Variants in KIAA2012 observed in about 807,000 individuals in gnomAD.
The protein encoded by KIAA2012 is KIAA2012.
Under a neutral mutation model 150.6 loss-of-function variants are expected in KIAA2012, and 125 were observed. The observed-to-expected ratio is 0.83, with a 90% CI of 0.72 to 0.96. KIAA2012 has a LOEUF of 0.96. Among genes scored for constraint, KIAA2012 ranks in the 40% least tolerant of loss-of-function variants. The pLI, the probability that KIAA2012 is intolerant of heterozygous loss-of-function variation, is 0.00. For missense variants in KIAA2012, 1,219 were observed against 1,354.9 expected, an observed-to-expected ratio of 0.90 and a Z score of 1.57; for synonymous variants, 462 against 504.7, an observed-to-expected ratio of 0.92 and a Z score of 1.13.
intron 15 of KIAA2012, among the ~76,000 whole-genome samples, chr2:202,183,545 G>A (rs1315043387): frequency 7.0e-6 from 1 of 141,898 alleles, no homozygotes; most frequent in Non-Finnish European, 1.5e-5. Context: ...GTGCAGTGGT[G>A]CTCATTGGAG....
chr2:202,154,789 C>A lies in KIAA2012; in HGVS notation c.2025C>A (p.Ile675=), dbSNP rs567960263. The change falls in exon 14 of 24, where the codon ATC becomes ATA. Residue 675 remains isoleucine, a synonymous_variant. Transcript: ENST00000498697. ...RKEFYTRKLH[I]DMTPFLKESG... is the part of the protein sequence containing the mutation. ...AATTTTACACGCGCAAGCTGCACAT[C>A]GACATGACGCCGTTCCTGAAGGTGA... 6.5e-7 allele frequency: 1 copy of A among 1,547,882 alleles called. No individual in the cohort carries two copies.
At chr2:202,182,370 C>G (rs1198626444) in intron 15 of KIAA2012, among the ~76,000 whole-genome samples, 2 of 151,980 alleles carry the variant, frequency 1.3e-5, no homozygotes, top group Admixed American at 1.3e-4. Flanking sequence ...CTCAGCCCCC[C>G]AAAAGTGCTG....
intron 12 of KIAA2012, among the ~76,000 whole-genome samples, chr2:202,132,653 G>A (rs1304799103): frequency 1.4e-5 from 2 of 140,444 alleles, no homozygotes; most frequent in African/African-American, 2.6e-5. Context: ...CAGGCTGGGC[G>A]GCAGAGCAAG....
chr2:202,105,175 A>C (rs1365073924), intron 8 of KIAA2012, among the ~76,000 whole-genome samples: 2 of 151,396 alleles, frequency 1.3e-5, no homozygotes, highest in Non-Finnish European at 2.9e-5. Context: ...CAGAAGGAAA[A>C]GGAAAGAAGG....
At chr2:202,109,233 C>A (rs896895281) in intron 9 of KIAA2012, among the ~76,000 whole-genome samples, 8 of 152,170 alleles carry the variant, frequency 5.3e-5, no homozygotes, top group African/African-American at 1.9e-4. Flanking sequence ...GGAGTTTGCA[C>A]CCTCTCCAGT....
intron 22 of KIAA2012, among the ~76,000 whole-genome samples, chr2:202,202,142 G>T (rs1692542266): frequency 6.6e-6 from 1 of 152,160 alleles, no homozygotes. Flanking sequence ...ATGAGCCACT[G>T]CACCTGGCCC....
At chr2:202,203,991 G>A (rs1023547528) in intron 23 of KIAA2012, among the ~76,000 whole-genome samples, 16 of 151,684 alleles carry the variant, frequency 1.1e-4, no homozygotes, top group African/African-American at 3.6e-4. Flanking sequence ...GGATGGTCTC[G>A]ATCTCCTGAC....
At chr2:202,096,032 C>T (rs1239966206) in intron 4 of KIAA2012, among the ~76,000 whole-genome samples, 1 of 152,060 alleles carries the variant, frequency 6.6e-6, no homozygotes, top group Non-Finnish European at 1.5e-5. Context: ...TGCAGTGAGC[C>T]AAGATCATGC....
chr2:202,200,761 C>T (rs1322198477), intron 22 of KIAA2012, among the ~76,000 whole-genome samples: 1 of 130,904 alleles, frequency 7.6e-6, no homozygotes, highest in Non-Finnish European at 1.5e-5. Flanking sequence ...GGCTGGAGTG[C>T]AATGGTGTGA....
intron 12 of KIAA2012, among the ~76,000 whole-genome samples, chr2:202,131,427 C>T (rs1485252656): frequency 6.6e-6 from 1 of 152,256 alleles, no homozygotes; most frequent in East Asian, 1.9e-4. Context: ...AGGCGTGAGC[C>T]ACTGGGCCCA....
intron 16 of KIAA2012, 146 bp downstream of exon 16, chr2:202,184,989 T>TA (rs1420897349): frequency 5.0e-6 from 3 of 595,156 alleles, no homozygotes; most frequent in Non-Finnish European, 8.8e-6. Flanking sequence ...AATGGTTGTC[T>TA]AAGAAACAAA....
Position 202,202,308 on chromosome 2 carries a change from G to C in KIAA2012, c.3408-121G>C, listed in dbSNP as rs1332869938. ...AGTATGATCTTCCACTGAAATCCAA[G>C]ATCAACAGCCCGAAGTCTAACTGAT... On this transcript the variant is annotated intron_variant, in intron 22 of 23. Coordinates refer to ENST00000498697, the MANE Select transcript of KIAA2012 (RefSeq NM_001277372.4). 6 of 400,512 alleles carry C rather than the reference G, an allele frequency of 1.5e-5. No individual in the cohort carries two copies. In the Admixed American group the frequency reaches 2.6e-4, roughly 17 times the overall value. The allele number at this position is 400,512 out of a possible 1,614,324, so 24.8% of individuals were successfully genotyped here.
At chr2:202,101,545 G>A (rs1257210843) in intron 7 of KIAA2012, among the ~76,000 whole-genome samples, 1 of 152,216 alleles carries the variant, frequency 6.6e-6, no homozygotes, top group African/African-American at 2.4e-5. Context: ...TTTCACAGAG[G>A]AAAGCAATAT....
chr2:202,103,170 C>A, intron 8 of KIAA2012, 56 bp downstream of exon 8: 1 of 1,506,274 alleles, frequency 6.6e-7, no homozygotes, highest in Admixed American at 2.1e-5. Flanking sequence ...GGGGGTCCTG[C>A]CACTTCTACA....
intron 2 of KIAA2012, 39 bp from the exon 3 acceptor site, chr2:202,090,731 G>C (rs1568535): frequency 0.81 from 1,238,186 of 1,520,312 alleles, 508,678 homozygotes; most frequent in Non-Finnish European, 0.84. Context: ...TGGCTCAGGG[G>C]TCAGCAGCTG....
chr2:202,084,787 T>G (rs1689525920), intron 2 of KIAA2012, among the ~76,000 whole-genome samples: 1 of 152,228 alleles, frequency 6.6e-6, no homozygotes, highest in South Asian at 2.1e-4. Flanking sequence ...TTAACATGTT[T>G]TCTATTTAGA....
chr2:202,202,471 A>C lies in KIAA2012; in HGVS notation c.3450A>C (p.Glu1150Asp). The change falls in exon 23 of 24, where the codon GAA becomes GAC. Residue 1150 changes from glutamate (E) to aspartate (D), a missense_variant. Transcript: ENST00000498697. ...ALEKHFHFYQ[E>D]LHKEASGLQW... ...AGAAACATTTTCATTTCTATCAAGA[A>C]CTCCATAAGGAAGCCAGTGGCCTGC... 1 of 399,406 alleles carries C rather than the reference A, an allele frequency of 2.5e-6. No individual in the cohort carries two copies. Among genetic ancestry groups the C allele is most frequent in the Non-Finnish European group, 4.4e-6 (1 of 226,424 alleles). 24.7% of individuals were successfully genotyped at this position (399,406 alleles called of 1,614,324 possible).
chr2:202,167,317 T>G (rs1691790272), intron 15 of KIAA2012, among the ~76,000 whole-genome samples: 1 of 152,230 alleles, frequency 6.6e-6, no homozygotes, highest in Non-Finnish European at 1.5e-5. Context: ...CCTGTAAGGC[T>G]TATTAAACTA....
intron 12 of KIAA2012, among the ~76,000 whole-genome samples, chr2:202,133,223 T>A (rs550543692): frequency 6.7e-6 from 1 of 150,188 alleles, no homozygotes; most frequent in East Asian, 1.9e-4. Flanking sequence ...TTTTCTGAAT[T>A]ACTTTCCTCC....
Sources: allele counts gnomAD v4.1 joint callset (sites outside exome capture counted in the v4.1 genomes callset), GRCh38; gene constraint gnomAD v4.1.1; transcripts MANE v1.5; gene names NCBI Gene and HGNC (gene_info 2026-07-23, HGNC 2026-07-21).